The following KLHL32 variants were observed in gnomAD, a reference collection of about 807,000 sequenced individuals.
KLHL32 encodes kelch like family member 32.
Under a neutral mutation model 64.8 loss-of-function variants are expected in KLHL32, and 35 were observed. The observed-to-expected ratio is 0.54, with a 90% CI of 0.41 to 0.72. The LOEUF is 0.72. KLHL32 is among the 30% of genes least tolerant of loss of function. The pLI, the probability that KLHL32 is intolerant of heterozygous loss-of-function variation, is 0.00. For missense variants in KLHL32, 589 were observed against 768.5 expected (o/e 0.77, Z 2.76); for synonymous variants, 259 against 281.0 (o/e 0.92, Z 0.78).
rs138970092 is a variant in KLHL32, at chr6:97,036,508, G to A, written c.205-4984G>A. On this transcript the variant is annotated intron_variant, in intron 3 of 10. Transcript: ENST00000369261. ...TTTCAGATATTACAGACTGGCTTTGGTGGGGAAGACTTTCACCTGAGATGT... is the reference window on the plus strand; with the variant it reads ...TTTCAGATATTACAGACTGGCTTTGATGGGGAAGACTTTCACCTGAGATGT... Among the ~76,000 whole-genome samples, 425 of 152,304 alleles carry A rather than the reference G, an allele frequency of 2.8e-3. 3 individuals carry two copies. Among genetic ancestry groups the A allele is most frequent in the Middle Eastern group, 6.8e-3 (2 of 294 alleles).
chr6:97,004,629 T>C (rs1213938547), intron 3 of KLHL32, among the ~76,000 whole-genome samples: 1 of 152,206 alleles, frequency 6.6e-6, no homozygotes, highest in Non-Finnish European at 1.5e-5. Flanking sequence ...ATGGCTGTTA[T>C]TATTTTGGGA....
chr6:97,002,210 A>G (rs1779120485), intron 3 of KLHL32, among the ~76,000 whole-genome samples: 1 of 152,200 alleles, frequency 6.6e-6, no homozygotes, highest in African/African-American at 2.4e-5. Context: ...CCCGGCAGAG[A>G]GAAGGAATTC....
intron 6 of KLHL32, among the ~76,000 whole-genome samples, chr6:97,096,688 T>C (rs1795034651): frequency 6.6e-6 from 1 of 152,256 alleles, no homozygotes; most frequent in Non-Finnish European, 1.5e-5. Context: ...GTTCCCACCA[T>C]AGCATCAAGT....
In KLHL32 at chr6:96,924,835, A is replaced by ACACACT. The variant is rs1554200058; in HGVS notation, c.-256_-255insACACTC. On this transcript the variant is annotated 5_prime_UTR_variant, in exon 1 of 11. Coordinates refer to ENST00000369261, the MANE Select transcript of KLHL32 (RefSeq NM_052904.4). ...CACACACACACACACACACACACAC[A>ACACACT]CTTTCGCACACACAAACACGCTAGG... 7.2e-6 allele frequency: 1 copy of ACACACT among 139,354 alleles called. No individual in the cohort carries two copies. Among genetic ancestry groups the ACACACT allele is most frequent in the Non-Finnish European group, 1.6e-5 (1 of 63,400 alleles). The allele number at this position is 139,354 out of a possible 1,614,324, so 8.6% of individuals were successfully genotyped here.
intron 3 of KLHL32, among the ~76,000 whole-genome samples, chr6:97,038,788 A>G (rs1054785870): frequency 6.6e-6 from 1 of 152,068 alleles, no homozygotes; most frequent in African/African-American, 2.4e-5. Context: ...ACAATAGTCA[A>G]AATTTAGAAT....
chr6:96,901,950 G>GTATATGTACCACATTT, the KLHL32 span, among the ~76,000 whole-genome samples: 1 of 152,192 alleles, frequency 6.6e-6, no homozygotes, highest in Admixed American at 6.5e-5. Context: ...ATTCCATGGT[G>GTATATGTACCACATTT]TATATGTACC....
chr6:97,001,934 C>G (rs768491144), intron 3 of KLHL32, among the ~76,000 whole-genome samples: 1 of 152,144 alleles, frequency 6.6e-6, no homozygotes, highest in Non-Finnish European at 1.5e-5. Context: ...AAATCAGACA[C>G]TGATTGAGTG....
intron 5 of KLHL32, among the ~76,000 whole-genome samples, chr6:97,069,598 G>C (rs963336280): frequency 9.2e-5 from 14 of 152,010 alleles, no homozygotes; most frequent in South Asian, 6.2e-4. Context: ...TGGGGCTTTC[G>C]AGCAGAGGGA....
chr6:97,138,641 G>T (rs1800337066), intron 10 of KLHL32, among the ~76,000 whole-genome samples: 1 of 152,142 alleles, frequency 6.6e-6, no homozygotes, highest in Non-Finnish European at 1.5e-5. Context: ...AGAATCGACT[G>T]AATTTTGAAT....
rs1366604287 is a variant in KLHL32, at chr6:97,121,462, CAT to C, written c.1355-5940_1355-5939del. On this transcript the variant is annotated intron_variant, in intron 7 of 10. Coordinates refer to ENST00000369261, the MANE Select transcript of KLHL32 (RefSeq NM_052904.4). ...TTCTTCTCAGGGGTGAGAAGAGACA[CAT>C]AATGTCTTTCTGCGATTTTACGGTT... is the stretch of plus-strand genomic sequence containing the variant. Among the ~76,000 whole-genome samples, 3 of 152,086 alleles carry C rather than the reference CAT, an allele frequency of 2.0e-5. No homozygotes were observed. In the East Asian group the frequency reaches 5.8e-4, roughly 29 times the overall value.
the KLHL32 span, among the ~76,000 whole-genome samples, chr6:96,905,700 T>C: frequency 6.6e-6 from 1 of 152,238 alleles, no homozygotes; most frequent in Non-Finnish European, 1.5e-5. Context: ...TTAGCTATTA[T>C]TCTTTTATAT....
chr6:97,065,017 G>A (rs534465659), intron 5 of KLHL32, among the ~76,000 whole-genome samples: 1 of 152,212 alleles, frequency 6.6e-6, no homozygotes, highest in Non-Finnish European at 1.5e-5. Flanking sequence ...CCCTGCAGGA[G>A]CCGGGGGAGG....
intron 6 of KLHL32, among the ~76,000 whole-genome samples, chr6:97,100,151 A>G (rs569657452): frequency 1.3e-5 from 2 of 152,068 alleles, no homozygotes; most frequent in Admixed American, 6.6e-5. Flanking sequence ...CAAAAAATAC[A>G]TATATAAATA....
chr6:96,903,790 C>G, the KLHL32 span, among the ~76,000 whole-genome samples: 3 of 152,104 alleles, frequency 2.0e-5, no homozygotes, highest in Non-Finnish European at 4.4e-5. Context: ...ATTTAGCTAA[C>G]AGGGAATAGA....
intron 3 of KLHL32, chr6:96,994,405 CA>C: frequency 1.5e-6 from 1 of 685,624 alleles, no homozygotes. Context: ...TAAAACTATA[CA>C]AATTATTTAT....
At chr6:97,053,724 T>C (rs7739077) in intron 4 of KLHL32, among the ~76,000 whole-genome samples, 11,042 of 151,872 alleles carry the variant, frequency 0.073, 862 homozygotes, top group Admixed American at 0.22. Context: ...CATTTGTTTT[T>C]TTTAATTTAT....
chr6:97,029,903 C>T (rs1183316715), intron 3 of KLHL32, among the ~76,000 whole-genome samples: 1 of 152,164 alleles, frequency 6.6e-6, no homozygotes, highest in African/African-American at 2.4e-5. Context: ...TTGTAAACAT[C>T]ATTAATTATG....
At chr6:96,989,872 A>C (rs1426980746) in intron 3 of KLHL32, among the ~76,000 whole-genome samples, 2 of 152,044 alleles carry the variant, frequency 1.3e-5, no homozygotes, top group African/African-American at 4.8e-5. Flanking sequence ...AGCTTGGTCT[A>C]TTCTGCTGTT....
At chr6:97,006,785 A>AT (rs959636515) in intron 3 of KLHL32, among the ~76,000 whole-genome samples, 1 of 151,828 alleles carries the variant, frequency 6.6e-6, no homozygotes, top group South Asian at 2.1e-4. Context: ...TCTTTGTTGG[A>AT]TTTTTTTTCT....
Sources: gnomAD v4.1 joint callset for allele counts (sites outside exome capture counted in the v4.1 genomes callset) on GRCh38, gnomAD v4.1.1 for gene constraint, MANE v1.5 for transcripts, NCBI Gene and HGNC (gene_info 2026-07-23, HGNC 2026-07-21) for gene names.